The following EEF1AKMT1 variants were observed in gnomAD, a reference collection of about 807,000 sequenced individuals.
EEF1AKMT1 encodes EEF1A lysine methyltransferase 1.
In EEF1AKMT1, 18 loss-of-function variants were observed where a neutral mutation model predicts 21.0. That is an observed-to-expected ratio of 0.86 (90% CI 0.59 to 1.27). EEF1AKMT1 has a LOEUF of 1.27. EEF1AKMT1 is among the 50% of genes most tolerant of loss of function. The pLI, the probability that EEF1AKMT1 is intolerant of heterozygous loss-of-function variation, is 0.00. For missense variants in EEF1AKMT1, 246 were observed against 258.6 expected, an observed-to-expected ratio of 0.95 and a Z score of 0.33; for synonymous variants, 109 against 94.8, an observed-to-expected ratio of 1.15 and a Z score of -0.87.
At chr13:20,767,745 C>G (rs2059042884) in intron 1 of EEF1AKMT1, among the ~76,000 whole-genome samples, 1 of 152,174 alleles carries the variant, frequency 6.6e-6, no homozygotes, top group Non-Finnish European at 1.5e-5. Flanking sequence ...TTCTGCTGCC[C>G]TTCCCTTTCA....
chr13:20,739,924 T>C (rs2058859686), intron 2 of EEF1AKMT1, among the ~76,000 whole-genome samples: 3 of 152,210 alleles, frequency 2.0e-5, no homozygotes, highest in Non-Finnish European at 2.9e-5. Flanking sequence ...TCCCATGCCA[T>C]GTGCCAGTGC....
At chr13:20,755,907 AAGAC>A (rs1385099239) in intron 2 of EEF1AKMT1, among the ~76,000 whole-genome samples, 1 of 152,210 alleles carries the variant, frequency 6.6e-6, no homozygotes, top group East Asian at 1.9e-4. Flanking sequence ...AAAAAAGAAA[AAGAC>A]AGACCACCTC....
chr13:20,740,854 T>C (rs2058866484), intron 2 of EEF1AKMT1, among the ~76,000 whole-genome samples: 2 of 151,516 alleles, frequency 1.3e-5, no homozygotes, highest in Admixed American at 6.6e-5. Flanking sequence ...ATTTATGGTA[T>C]GTGAATTATA....
chr13:20,761,617 T>C (rs1402639326), intron 1 of EEF1AKMT1, among the ~76,000 whole-genome samples: 1 of 152,194 alleles, frequency 6.6e-6, no homozygotes, highest in Non-Finnish European at 1.5e-5. Flanking sequence ...TGTGTTTATT[T>C]TGAGGACATC....
At chr13:20,732,664 A>G (rs2058804340) in intron 3 of EEF1AKMT1, among the ~76,000 whole-genome samples, 2 of 152,200 alleles carry the variant, frequency 1.3e-5, no homozygotes, top group Non-Finnish European at 2.9e-5. Flanking sequence ...ATGAAAGGCT[A>G]TAGTTTTTAT....
chr13:20,735,389 A>T lies in EEF1AKMT1; in HGVS notation c.227+2334T>A, dbSNP rs186343737. Among the ~76,000 whole-genome samples the T allele has an allele frequency of 2.8e-3, 430 of 152,274 alleles. 4 individuals carry two copies. Among genetic ancestry groups the T allele is most frequent in the African/African-American group, 9.8e-3 (407 of 41,542 alleles). On this transcript the variant is annotated intron_variant, in intron 3 of 4. Coordinates refer to ENST00000382758, the MANE Select transcript of EEF1AKMT1 (RefSeq NM_001318939.2). ...TTGTCTGGATGGGGGGGATGCTTGG[A>T]AGGAAGATGCCAGGCACAGCGGTTG...
intron 2 of EEF1AKMT1, among the ~76,000 whole-genome samples, chr13:20,739,302 G>A (rs546049334): frequency 4.0e-4 from 61 of 152,306 alleles, no homozygotes; most frequent in South Asian, 2.7e-3. Context: ...TTATTGTGAG[G>A]AGCAAAAGAA....
intron 2 of EEF1AKMT1, among the ~76,000 whole-genome samples, chr13:20,755,567 C>T (rs748782282): frequency 2.6e-5 from 4 of 152,212 alleles, no homozygotes; most frequent in Admixed American, 6.5e-5. Flanking sequence ...GTCAAGCAGG[C>T]TGCCTCACTT....
intron 1 of EEF1AKMT1, among the ~76,000 whole-genome samples, chr13:20,772,473 A>T (rs1249938339): frequency 1.3e-5 from 2 of 152,168 alleles, no homozygotes; most frequent in Non-Finnish European, 2.9e-5. Flanking sequence ...TGAACTTAAA[A>T]TTCACAGGAC....
At position 20,732,101 on chromosome 13, in the gene EEF1AKMT1, G is replaced by A. The variant is rs1330861629; in HGVS notation, c.248C>T (p.Pro83Leu). ...CTCTCTGAGTTTCTGGTAAACACTA[G>A]GGGCACTCACACATGCGATTCTAGG... Reference protein sequence around the residue: ...EGGRIACVSAPSVYQKLRELC... With the variant: ...EGGRIACVSALSVYQKLRELC... The change falls in exon 4 of 5, where the codon CCT becomes CTT. Residue 83 changes from proline (P) to leucine (L), a missense_variant. Physicochemically the swap from Pro to Leu is moderately conservative, Grantham distance 98. Coordinates refer to ENST00000382758, the MANE Select transcript of EEF1AKMT1 (RefSeq NM_001318939.2). 3 of 1,612,000 alleles carry A rather than the reference G, an allele frequency of 1.9e-6. No homozygotes were observed. In the South Asian group the frequency reaches 3.3e-5, roughly 18 times the overall value.
At chr13:20,740,426 G>A (rs1052695505) in intron 2 of EEF1AKMT1, among the ~76,000 whole-genome samples, 1 of 152,262 alleles carries the variant, frequency 6.6e-6, no homozygotes, top group Non-Finnish European at 1.5e-5. Flanking sequence ...CAGAGTGGGC[G>A]CTGAGGCCGA....
At chr13:20,757,843 A>C (rs2058979493) in intron 1 of EEF1AKMT1, among the ~76,000 whole-genome samples, 1 of 152,160 alleles carries the variant, frequency 6.6e-6, no homozygotes, top group African/African-American at 2.4e-5. Context: ...ATGTCTCATT[A>C]TACTCTCCTT....
intron 2 of EEF1AKMT1, among the ~76,000 whole-genome samples, chr13:20,754,851 C>T (rs2058963579): frequency 6.6e-6 from 1 of 151,930 alleles, no homozygotes; most frequent in Non-Finnish European, 1.5e-5. Context: ...GATGGCACCA[C>T]TGCACTCCAG....
At chr13:20,770,246 C>T (rs1467033452) in intron 1 of EEF1AKMT1, among the ~76,000 whole-genome samples, 1 of 149,172 alleles carries the variant, frequency 6.7e-6, no homozygotes. Flanking sequence ...TATGAAGTAT[C>T]TAGAGTAGTC....
At chr13:20,745,581 T>C (rs1379680546) in intron 2 of EEF1AKMT1, among the ~76,000 whole-genome samples, 9 of 152,226 alleles carry the variant, frequency 5.9e-5, no homozygotes, top group Admixed American at 5.9e-4. Context: ...CCAGGCACGG[T>C]GGCTTACGCC....
chr13:20,740,900 G>C (rs1037385793), intron 2 of EEF1AKMT1, among the ~76,000 whole-genome samples: 2 of 151,952 alleles, frequency 1.3e-5, no homozygotes, highest in African/African-American at 4.8e-5. Flanking sequence ...AATAAGGAGA[G>C]CTTTACTCAG....
intron 1 of EEF1AKMT1, among the ~76,000 whole-genome samples, chr13:20,758,662 T>TA: frequency 6.6e-6 from 1 of 151,954 alleles, no homozygotes; most frequent in Non-Finnish European, 1.5e-5. Flanking sequence ...TTCACAGAAT[T>TA]AAAAAAAATT....
intron 1 of EEF1AKMT1, among the ~76,000 whole-genome samples, chr13:20,765,324 T>C (rs2059023142): frequency 6.6e-6 from 1 of 151,796 alleles, no homozygotes; most frequent in Non-Finnish European, 1.5e-5. Context: ...TTGGTGCATC[T>C]GGACCTTTTA....
intron 2 of EEF1AKMT1, among the ~76,000 whole-genome samples, chr13:20,738,873 C>T (rs532225415): frequency 4.6e-5 from 7 of 151,992 alleles, no homozygotes; most frequent in African/African-American, 7.3e-5. Flanking sequence ...TTCTTTTAGA[C>T]GCAACGAAAA....
Sources: gnomAD v4.1 joint callset for allele counts (sites outside exome capture counted in the v4.1 genomes callset) on GRCh38, gnomAD v4.1.1 for gene constraint, MANE v1.5 for transcripts, NCBI Gene and HGNC (gene_info 2026-07-23, HGNC 2026-07-21) for gene names.